Variants in TUSC3 observed in about 807,000 individuals in gnomAD.
TUSC3 encodes the protein dolichyl-diphosphooligosaccharide--protein glycosyltransferase subunit TUSC3.
Under a neutral mutation model 44.8 loss-of-function variants are expected in TUSC3, and 45 were observed. That is an observed-to-expected ratio of 1.00 (90% CI 0.79 to 1.29). The LOEUF is 1.29. TUSC3 is among the 50% of genes most tolerant of loss of function. The pLI is 0.00. For synonymous variants in TUSC3, 212 were observed against 152.9 expected, an observed-to-expected ratio of 1.39 and a Z score of -2.85; for missense variants, 519 against 437.9, an observed-to-expected ratio of 1.19 and a Z score of -1.65.
chr8:15,564,641 T>G (rs1802598051), intron 1 of TUSC3, among the ~76,000 whole-genome samples: 2 of 152,130 alleles, frequency 1.3e-5, no homozygotes, highest in African/African-American at 4.8e-5. Context: ...ACCGTATGAG[T>G]TTTCTCTTCT....
At position 15,672,843 on chromosome 8, in the gene TUSC3, C is replaced by T. The variant is rs569618243; in HGVS notation, c.709-904C>T. Among the ~76,000 whole-genome samples, 61 of 152,024 alleles carry T rather than the reference C, an allele frequency of 4.0e-4. No individual in the cohort carries two copies. In the South Asian group the frequency reaches 0.011, roughly 28 times the overall value. On this transcript the variant is annotated intron_variant, in intron 5 of 10. Transcript: ENST00000503731. ...TTTAGACTCCCAGTCGTGCATTGCT[C>T]GTTCTTGTCTTTGGTGTTTTTGGTG...
At chr8:15,632,257 G>C (rs1048079252) in intron 2 of TUSC3, among the ~76,000 whole-genome samples, 4 of 151,946 alleles carry the variant, frequency 2.6e-5, no homozygotes, top group Non-Finnish European at 4.4e-5. Flanking sequence ...TTTAATGATG[G>C]TGACTTTTTT....
chr8:15,764,583 G>A lies in TUSC3; in HGVS notation c.*427G>A. 4.7e-6 allele frequency: 1 copy of A among 211,748 alleles called. No individual in the cohort carries two copies. Among genetic ancestry groups the A allele is most frequent in the Non-Finnish European group, 9.6e-6 (1 of 103,790 alleles). The allele number at this position is 211,748 out of a possible 1,614,324, so 13.1% of individuals were successfully genotyped here. A position where few individuals can be genotyped will look rare whatever the true frequency, so the allele number is the denominator to read the frequency against. On this transcript the variant is annotated 3_prime_UTR_variant, in exon 11 of 11. Transcript: ENST00000503731. ...GTTAAAGATTCTTAGTATTGTACAGGGATAAAGCAAATGCATGAAAATATG... is the reference window on the plus strand; with the variant it reads ...GTTAAAGATTCTTAGTATTGTACAGAGATAAAGCAAATGCATGAAAATATG...
chr8:15,445,344 A>G (rs1263783153), intron 1 of TUSC3, among the ~76,000 whole-genome samples: 1 of 150,716 alleles, frequency 6.6e-6, no homozygotes. Context: ...TTTATTGATC[A>G]TTATTGGGTG....
At chr8:15,691,415 CTA>C (rs1454007799) in intron 6 of TUSC3, among the ~76,000 whole-genome samples, 1 of 152,116 alleles carries the variant, frequency 6.6e-6, no homozygotes, top group African/African-American at 2.4e-5. Context: ...TGGACAGAGA[CTA>C]TGGGGTTTTC....
chr8:15,631,332 T>C (rs945837555), intron 2 of TUSC3, among the ~76,000 whole-genome samples: 1 of 152,200 alleles, frequency 6.6e-6, no homozygotes, highest in Non-Finnish European at 1.5e-5. Context: ...CCACCATTTT[T>C]ACTGTTTACA....
rs1329957901 is a variant in TUSC3 at position 15,765,501 on chromosome 8, C to T, written c.*1345C>T. 6.6e-6 allele frequency: 1 copy of T among 151,944 alleles called. No individual in the cohort carries two copies. Among genetic ancestry groups the T allele is most frequent in the African/African-American group, 2.4e-5 (1 of 41,390 alleles). The allele number at this position is 151,944 out of a possible 1,614,324, so 9.4% of individuals were successfully genotyped here. ...AACCATTGAGTTTACTTACTTAAAT[C>T]TGTGAATTTCAATGAAGAATGGGAA... On this transcript the variant is annotated 3_prime_UTR_variant, in exon 11 of 11. Transcript: ENST00000503731.
At chr8:15,843,617 T>TAC in the TUSC3 span, among the ~76,000 whole-genome samples, 5,039 of 136,324 alleles carry the variant, frequency 0.037, 185 homozygotes, top group East Asian at 0.18. Flanking sequence ...TATATATATA[T>TAC]ATATACACGC....
At chr8:15,806,878 G>T in the TUSC3 span, 1 of 1,162,218 alleles carries the variant, frequency 8.6e-7, no homozygotes, top group Non-Finnish European at 1.3e-6. Context: ...TAATTATGTT[G>T]GGGAGAAAGT....
chr8:15,585,436 A>G (rs1803556821), intron 1 of TUSC3, among the ~76,000 whole-genome samples: 1 of 152,218 alleles, frequency 6.6e-6, no homozygotes, highest in South Asian at 2.1e-4. Context: ...GGTTGGAGCG[A>G]AAGTTTAATA....
chr8:15,726,964 G>A (rs1810520216), intron 6 of TUSC3, among the ~76,000 whole-genome samples: 1 of 152,062 alleles, frequency 6.6e-6, no homozygotes, highest in South Asian at 2.1e-4. Context: ...CACCTGATCT[G>A]AAAATGCATT....
chr8:15,554,033 C>G (rs1802145883), intron 1 of TUSC3, among the ~76,000 whole-genome samples: 2 of 151,540 alleles, frequency 1.3e-5, no homozygotes, highest in African/African-American at 4.8e-5. Context: ...AGTCCAAGAT[C>G]AAGGTGACCT....
intron 6 of TUSC3, among the ~76,000 whole-genome samples, chr8:15,695,758 G>C (rs66644352): frequency 0.29 from 43,817 of 152,048 alleles, 6,519 homozygotes; most frequent in East Asian, 0.46. Flanking sequence ...TGAGGAACAT[G>C]TTGGAAACTG....
chr8:15,651,392 T>A (rs11782230), intron 3 of TUSC3, among the ~76,000 whole-genome samples: 1 of 152,076 alleles, frequency 6.6e-6, no homozygotes, highest in Non-Finnish European at 1.5e-5. Context: ...GTATTTTCTC[T>A]CTGTTTATGG....
chr8:15,835,515 TTTTAA>T, the TUSC3 span, among the ~76,000 whole-genome samples: 1 of 152,166 alleles, frequency 6.6e-6, no homozygotes, highest in Admixed American at 6.6e-5. Flanking sequence ...TTTCTAGTAA[TTTTAA>T]TTTCTTTGAA....
intron 5 of TUSC3, among the ~76,000 whole-genome samples, chr8:15,671,321 T>A (rs1807939493): frequency 6.6e-6 from 1 of 151,988 alleles, no homozygotes; most frequent in African/African-American, 2.4e-5. Context: ...ATGAATATAG[T>A]TAAATAAAAA....
At chr8:15,598,604 T>G (rs1250597413) in intron 1 of TUSC3, among the ~76,000 whole-genome samples, 1 of 151,938 alleles carries the variant, frequency 6.6e-6, no homozygotes, top group Non-Finnish European at 1.5e-5. Flanking sequence ...TTCCTCCTTC[T>G]CCAGTCTCCA....
chr8:15,593,366 C>G (rs111344994), intron 1 of TUSC3, among the ~76,000 whole-genome samples: 3,720 of 152,156 alleles, frequency 0.024, 133 homozygotes, highest in African/African-American at 0.083. Context: ...GATTACAGGC[C>G]TGAGCCACCA....
intron 1 of TUSC3, among the ~76,000 whole-genome samples, chr8:15,573,462 T>C (rs767494782): frequency 2.6e-5 from 4 of 151,846 alleles, no homozygotes; most frequent in Admixed American, 6.6e-5. Flanking sequence ...CTGCTGAAGA[T>C]AGAAGGAGCC....
Sources: gnomAD v4.1 joint callset for allele counts (sites outside exome capture counted in the v4.1 genomes callset) on GRCh38, gnomAD v4.1.1 for gene constraint, MANE v1.5 for transcripts, NCBI Gene and HGNC (gene_info 2026-07-23, HGNC 2026-07-21) for gene names.